The following RAB11FIP2 variants were observed in gnomAD, a reference collection of about 807,000 sequenced individuals.
RAB11FIP2 encodes RAB11 family interacting protein 2, also known as rab11 family-interacting protein 2.
Under a neutral mutation model 40.9 loss-of-function variants are expected in RAB11FIP2, and 16 were observed. The ratio of observed to expected loss-of-function variants is 0.39; its 90% confidence interval spans 0.26 to 0.59. The LOEUF is 0.59. RAB11FIP2 is among the 20% of genes least tolerant of loss of function. The pLI is 0.53. For synonymous variants in RAB11FIP2, 228 were observed against 213.7 expected (o/e 1.07, Z -0.58); for missense variants, 532 against 606.2 (o/e 0.88, Z 1.28).
intron 3 of RAB11FIP2, among the ~76,000 whole-genome samples, chr10:118,033,794 A>G (rs940935819): frequency 1.3e-5 from 2 of 152,142 alleles, no homozygotes; most frequent in Non-Finnish European, 2.9e-5. Context: ...CTTAAACACA[A>G]CGAAAGGTAC....
At chr10:118,020,271 C>T (rs532195712) in intron 3 of RAB11FIP2, among the ~76,000 whole-genome samples, 1 of 152,314 alleles carries the variant, frequency 6.6e-6, no homozygotes, top group South Asian at 2.1e-4. Flanking sequence ...ACTGTGAGCT[C>T]ACTGTTGGCT....
At chr10:118,018,169 C>G (rs1564831131) in intron 3 of RAB11FIP2, 1 of 152,256 alleles carries the variant, frequency 6.6e-6, no homozygotes, top group Non-Finnish European at 1.5e-5. Flanking sequence ...TATTCACACA[C>G]TGACGTGTCA....
intron 4 of RAB11FIP2, among the ~76,000 whole-genome samples, chr10:118,010,051 TATTA>T (rs1846137889): frequency 1.3e-5 from 2 of 152,146 alleles, no homozygotes; most frequent in Admixed American, 6.5e-5. Flanking sequence ...AAAAGACACT[TATTA>T]ATTCACTGTT....
intron 1 of RAB11FIP2, among the ~76,000 whole-genome samples, chr10:118,044,253 T>A (rs1846598604): frequency 6.6e-6 from 1 of 152,174 alleles, no homozygotes; most frequent in South Asian, 2.1e-4. Context: ...AAAATTTATG[T>A]TTCAGAGAAG....
Position 118,040,335 on chromosome 10 carries a change from T to A in RAB11FIP2, c.584A>T (p.Asp195Val). 1 of 1,613,884 alleles carries A rather than the reference T, an allele frequency of 6.2e-7. No individual in the cohort carries two copies. Reference protein sequence around the residue: ...SAIIPSTHMPDANSEFSSGEI... With the variant: ...SAIIPSTHMPVANSEFSSGEI... ...ACCACTTGAAAATTCACTATTGGCA[T>A]CGGGCATGTGAGTACTTGGAATGAT... Residue 195 changes from aspartate to valine, a missense_variant, in exon 2 of 5, where the codon GAT becomes GTT. Coordinates refer to ENST00000355624, the MANE Select transcript of RAB11FIP2 (RefSeq NM_014904.3).
At chr10:118,044,281 C>A (rs983944732) in intron 1 of RAB11FIP2, among the ~76,000 whole-genome samples, 8 of 152,106 alleles carry the variant, frequency 5.3e-5, no homozygotes, top group African/African-American at 1.9e-4. Flanking sequence ...ATACATGATC[C>A]ATGAATATTA....
intron 2 of RAB11FIP2, 76 bp downstream of exon 2, chr10:118,040,047 A>G: frequency 7.2e-7 from 1 of 1,383,168 alleles, no homozygotes; most frequent in South Asian, 1.4e-5. Flanking sequence ...ATTTTGATTT[A>G]CTAAATTTAG....
chr10:118,027,713 A>G (rs1846361498), intron 3 of RAB11FIP2, among the ~76,000 whole-genome samples: 1 of 152,204 alleles, frequency 6.6e-6, no homozygotes. Context: ...CATGACTCCA[A>G]CTAGAAAAGA....
intron 3 of RAB11FIP2, among the ~76,000 whole-genome samples, chr10:118,024,420 T>C (rs1050196778): frequency 2.0e-5 from 3 of 151,550 alleles, no homozygotes; most frequent in African/African-American, 4.9e-5. Flanking sequence ...TCTGTTCCCC[T>C]GAGTAGACCC....
intron 1 of RAB11FIP2, among the ~76,000 whole-genome samples, chr10:118,041,803 T>C (rs1337146980): frequency 6.6e-6 from 1 of 152,186 alleles, no homozygotes; most frequent in Non-Finnish European, 1.5e-5. Flanking sequence ...AAAAATATTT[T>C]CTTGATTAAC....
intron 3 of RAB11FIP2, among the ~76,000 whole-genome samples, chr10:118,028,816 AG>A: frequency 6.6e-6 from 1 of 152,244 alleles, no homozygotes; most frequent in South Asian, 2.1e-4. Flanking sequence ...GTCAATGCTA[AG>A]GTGAAAGAAA....
At chr10:118,026,485 G>A (rs1846345658) in intron 3 of RAB11FIP2, among the ~76,000 whole-genome samples, 2 of 152,180 alleles carry the variant, frequency 1.3e-5, no homozygotes, top group African/African-American at 2.4e-5. Context: ...GCCAACCTCC[G>A]AATCTTGGTT....
chr10:118,015,534 C>T (rs1485398353), intron 3 of RAB11FIP2, among the ~76,000 whole-genome samples: 2 of 152,196 alleles, frequency 1.3e-5, no homozygotes, highest in East Asian at 3.9e-4. Flanking sequence ...AGAGTTAAAG[C>T]AATCTGTTTA....
At position 118,029,301 on chromosome 10, in the gene RAB11FIP2, C is replaced by G. The variant is rs77217062; in HGVS notation, c.1265+9671G>C. Among the ~76,000 whole-genome samples the G allele has an allele frequency of 0.02, 3,049 of 152,076 alleles. 126 individuals are homozygous for G. In the East Asian group the frequency reaches 0.21, roughly 10 times the overall value. On this transcript the variant is annotated intron_variant, in intron 3 of 4. Transcript: ENST00000355624. ...TCTCAAAGATGTTCCCTTCTTCTCC[C>G]TCCTCACTGCCAAATGACCTCCATC...
At chr10:118,040,713 G>A (rs540628068) in intron 1 of RAB11FIP2, 148 bp from the exon 2 acceptor site, 11 of 600,994 alleles carry the variant, frequency 1.8e-5, no homozygotes, top group African/African-American at 7.5e-5. Flanking sequence ...ACAGTATTTC[G>A]GGCTTTACTT....
chr10:118,040,307 T>C lies in RAB11FIP2; in HGVS notation c.612A>G (p.Glu204=), dbSNP rs1589648370. The C allele has an allele frequency of 6.2e-7, 1 of 1,613,978 alleles. No homozygotes were observed. Reference sequence around the variant, plus strand: ...TTTTTGGTTTGGATTTCATCTGTATTTCACCACTTGAAAATTCACTATTGG... The same window carrying C: ...TTTTTGGTTTGGATTTCATCTGTATCTCACCACTTGAAAATTCACTATTGG... ...PDANSEFSSG[E]IQMKSKPKKP... Residue 204 remains glutamate, a synonymous_variant, in exon 2 of 5, where the codon GAA becomes GAG. Coordinates refer to ENST00000355624, the MANE Select transcript of RAB11FIP2 (RefSeq NM_014904.3).
At position 118,040,536 on chromosome 10, in the gene RAB11FIP2, T is replaced by C. The variant is rs1481565447; in HGVS notation, c.383A>G (p.Lys128Arg). Residue 128 changes from lysine to arginine, a missense_variant, in exon 2 of 5, where the codon AAA (lysine) becomes AGA (arginine). By Grantham distance (26) the Lys-to-Arg change is conservative (BLOSUM62 2). Transcript: ENST00000355624. ...EWFRLESKQG[K>R]RIKNRGEIKV... ...TATCTCACCCCTGTTTTTGATTCGT[T>C]TTCCTTGTTTGGATTCTAATCTAAA... 6.2e-7 allele frequency: 1 copy of C among 1,608,936 alleles called. No individual in the cohort carries two copies. The highest frequency in any genetic ancestry group is 8.5e-7 in the Non-Finnish European group (1 of 1,178,076).
chr10:118,014,519 AGTTGATTTAGGTG>A (rs1210199993), intron 4 of RAB11FIP2, among the ~76,000 whole-genome samples: 1 of 151,820 alleles, frequency 6.6e-6, no homozygotes, highest in African/African-American at 2.4e-5. Context: ...AAAATACGTG[AGTTGATTTAGGTG>A]GTCGCTACCA....
intron 1 of RAB11FIP2, among the ~76,000 whole-genome samples, chr10:118,041,999 T>C (rs868295919): frequency 3.3e-5 from 5 of 152,006 alleles, no homozygotes; most frequent in Non-Finnish European, 7.4e-5. Context: ...TTCTGTGAAA[T>C]AGACAACCTT....
Sources: gnomAD v4.1 joint callset for allele counts (sites outside exome capture counted in the v4.1 genomes callset) on GRCh38, gnomAD v4.1.1 for gene constraint, MANE v1.5 for transcripts, NCBI Gene and HGNC (gene_info 2026-07-23, HGNC 2026-07-21) for gene names.